Variants in FTO observed in about 807,000 individuals in gnomAD.
FTO encodes alpha-ketoglutarate-dependent dioxygenase FTO.
In FTO, 47 loss-of-function variants were observed where a neutral mutation model predicts 63.9. The observed-to-expected ratio is 0.74, with a 90% CI of 0.58 to 0.94. The LOEUF is 0.94. FTO is among the 40% of genes least tolerant of loss of function. The probability of loss-of-function intolerance (pLI) is 0.00; values close to 1 mark genes in which losing one functional copy is unlikely to be tolerated. For synonymous variants in FTO, 207 were observed against 224.4 expected, an observed-to-expected ratio of 0.92 and a Z score of 0.69; for missense variants, 562 against 618.1, an observed-to-expected ratio of 0.91 and a Z score of 0.96.
intron 1 of FTO, among the ~76,000 whole-genome samples, chr16:53,762,160 T>C (rs1394523903): frequency 6.6e-6 from 1 of 152,220 alleles, no homozygotes; most frequent in Non-Finnish European, 1.5e-5. Context: ...AGATAGCCTG[T>C]TTCACAGTGG....
intron 8 of FTO, among the ~76,000 whole-genome samples, chr16:54,055,027 G>T (rs1233931368): frequency 6.6e-6 from 1 of 152,174 alleles, no homozygotes; most frequent in East Asian, 1.9e-4. Context: ...GAAAATTCAT[G>T]GAAGGAAGAG....
intron 7 of FTO, among the ~76,000 whole-genome samples, chr16:53,890,133 G>C (rs867260534): frequency 6.6e-6 from 1 of 152,158 alleles, no homozygotes; most frequent in African/African-American, 2.4e-5. Context: ...TAGTAGAAAA[G>C]TGGTAAAAGC....
rs532520092 is a variant in FTO at position 53,858,476 on chromosome 16, A to G, written c.895+14178A>G. On this transcript the variant is annotated intron_variant, in intron 4 of 8. Coordinates refer to ENST00000471389, the MANE Select transcript of FTO (RefSeq NM_001080432.3). ...ATCTTCCCCAAAATAAAATTTTTCC[A>G]TGGAAGTGAAAAGTCTTTCAACAAA... is the stretch of plus-strand genomic sequence containing the variant. Among the ~76,000 whole-genome samples, 11 of 152,294 alleles carry G rather than the reference A, an allele frequency of 7.2e-5. 1 individual carries two copies. Among genetic ancestry groups the G allele is most frequent in the African/African-American group, 2.6e-4 (11 of 41,588 alleles).
intron 8 of FTO, among the ~76,000 whole-genome samples, chr16:53,958,031 T>C (rs2082970471): frequency 6.6e-6 from 1 of 152,232 alleles, no homozygotes; most frequent in Non-Finnish European, 1.5e-5. Flanking sequence ...GTGAACATAG[T>C]AGTGTGGTTT....
intron 8 of FTO, among the ~76,000 whole-genome samples, chr16:53,986,289 C>T (rs1340943806): frequency 1.3e-5 from 2 of 152,164 alleles, no homozygotes; most frequent in Non-Finnish European, 2.9e-5. Context: ...GAACGTTACC[C>T]AGCAAATCTG....
At chr16:53,999,626 T>C (rs1423442250) in intron 8 of FTO, 1 of 152,208 alleles carries the variant, frequency 6.6e-6, no homozygotes, top group Non-Finnish European at 1.5e-5. Flanking sequence ...AAAGACCCCA[T>C]GGAAGCAGAT....
intron 7 of FTO, among the ~76,000 whole-genome samples, chr16:53,905,776 G>T (rs1173395111): frequency 6.6e-6 from 1 of 152,126 alleles, no homozygotes; most frequent in Admixed American, 6.5e-5. Flanking sequence ...TGTTCTTGGT[G>T]CCTGAAACAA....
At chr16:54,077,999 C>T (rs1342387611) in intron 8 of FTO, among the ~76,000 whole-genome samples, 7 of 152,040 alleles carry the variant, frequency 4.6e-5, no homozygotes, top group Non-Finnish European at 8.8e-5. Flanking sequence ...CCGGCCCCAC[C>T]CCCATCCATG....
chr16:53,977,700 G>A (rs182561078), intron 8 of FTO, among the ~76,000 whole-genome samples: 2 of 152,218 alleles, frequency 1.3e-5, no homozygotes, highest in Admixed American at 1.3e-4. Flanking sequence ...TTTCTTTGAA[G>A]CATGATGAGT....
intron 1 of FTO, among the ~76,000 whole-genome samples, chr16:53,803,704 A>G (rs2078286607): frequency 6.6e-6 from 1 of 152,184 alleles, no homozygotes; most frequent in Admixed American, 6.5e-5. Flanking sequence ...AAGCAGCAGT[A>G]TAGTCTCTTG....
chr16:53,937,327 G>C (rs2082412847), intron 8 of FTO: 1 of 398,616 alleles, frequency 2.5e-6, no homozygotes, highest in Non-Finnish European at 4.4e-6. Context: ...CAGAATTTCT[G>C]AAGATTCGCC....
At chr16:53,987,255 C>G (rs2083689962) in intron 8 of FTO, among the ~76,000 whole-genome samples, 2 of 152,022 alleles carry the variant, frequency 1.3e-5, no homozygotes, top group South Asian at 4.1e-4. Context: ...ATTCCATGTT[C>G]CCTCTTACAG....
At chr16:54,111,513 T>G (rs1483114509) in intron 8 of FTO, among the ~76,000 whole-genome samples, 1 of 152,206 alleles carries the variant, frequency 6.6e-6, no homozygotes, top group African/African-American at 2.4e-5. Context: ...GATGATTGGC[T>G]TCTACGAAGC....
chr16:54,013,872 T>C (rs2045837539), intron 8 of FTO, among the ~76,000 whole-genome samples: 1 of 152,204 alleles, frequency 6.6e-6, no homozygotes, highest in Non-Finnish European at 1.5e-5. Flanking sequence ...TTTATTGCTA[T>C]ATTTATTGTG....
chr16:54,078,587 G>C lies in FTO; in HGVS notation c.1365-33175G>C, dbSNP rs1453620490. 2.0e-5 allele frequency among the ~76,000 whole-genome samples: 3 copies of C among 152,072 alleles called. No individual in the cohort carries two copies. In the East Asian group the frequency reaches 5.8e-4, roughly 30 times the overall value. ...TCTGGAGTCAATTCATTACCATTTG[G>C]ATTGTTTTGAGTGCACTTCAGATAG... On this transcript the variant is annotated intron_variant, in intron 8 of 8. Transcript: ENST00000471389.
chr16:53,835,274 C>T (rs1199952123), intron 3 of FTO, among the ~76,000 whole-genome samples: 2 of 152,132 alleles, frequency 1.3e-5, no homozygotes, highest in African/African-American at 2.4e-5. Context: ...TGTAATCCAG[C>T]GGATTCCTTT....
chr16:54,111,671 G>A, intron 8 of FTO, 91 bp from the exon 9 acceptor site: 3 of 1,349,298 alleles, frequency 2.2e-6, no homozygotes, highest in Non-Finnish European at 3.2e-6. Flanking sequence ...TGTCTTTGGA[G>A]CATTGGCCAG....
intron 8 of FTO, among the ~76,000 whole-genome samples, chr16:54,078,595 T>C (rs2086059090): frequency 6.6e-6 from 1 of 152,080 alleles, no homozygotes; most frequent in Non-Finnish European, 1.5e-5. Flanking sequence ...TGGATTGTTT[T>C]GAGTGCACTT....
chr16:53,907,366 A>C (rs562282467), intron 7 of FTO, among the ~76,000 whole-genome samples: 1 of 152,316 alleles, frequency 6.6e-6, no homozygotes, highest in South Asian at 2.1e-4. Context: ...AATACAGTAC[A>C]CTGTAGAGTA....
Sources: gnomAD v4.1 joint callset for allele counts (sites outside exome capture counted in the v4.1 genomes callset) on GRCh38, gnomAD v4.1.1 for gene constraint, MANE v1.5 for transcripts, NCBI Gene and HGNC (gene_info 2026-07-23, HGNC 2026-07-21) for gene names.